Variants in TMEM238L observed in about 807,000 individuals in gnomAD.
TMEM238L encodes transmembrane protein 238-like.
At chr17:10,795,168 C>G (rs12947830) in exon 2 of TMEM238L, 43,561 of 152,106 alleles carry the variant, frequency 0.29, 6,397 homozygotes, top group Middle Eastern at 0.4. Flanking sequence ...GACTTGACCA[C>G]CTGTAACTTA....
intron 1 of TMEM238L, among the ~76,000 whole-genome samples, chr17:10,802,161 C>G (rs368569885): frequency 6.6e-6 from 1 of 152,282 alleles, no homozygotes; most frequent in South Asian, 2.1e-4. Context: ...AATCAGGGAC[C>G]CTTTTTGCTC....
chr17:10,800,080 C>A (rs573285336), intron 1 of TMEM238L, among the ~76,000 whole-genome samples: 48 of 152,036 alleles, frequency 3.2e-4, no homozygotes, highest in Non-Finnish European at 6.3e-4. Flanking sequence ...TACAGGCACC[C>A]GCCACCATGC....
chr17:10,799,934 C>CT (rs562811496), intron 1 of TMEM238L, among the ~76,000 whole-genome samples: 13,379 of 142,588 alleles, frequency 0.094, 721 homozygotes, highest in Non-Finnish European at 0.13. Flanking sequence ...GAAACCACAT[C>CT]TTTTTTTTTT....
exon 1 of TMEM238L, chr17:10,803,851 A>G: frequency 2.5e-6 from 1 of 399,940 alleles, no homozygotes; most frequent in Non-Finnish European, 4.4e-6. Context: ...CAGGGGGGCC[A>G]AGATCCCCAG....
intron 1 of TMEM238L, among the ~76,000 whole-genome samples, chr17:10,801,082 G>A (rs566763700): frequency 6.8e-6 from 1 of 147,714 alleles, no homozygotes; most frequent in Non-Finnish European, 1.5e-5. Flanking sequence ...ACGGAGTCTC[G>A]CTCTGTCACC....
intron 1 of TMEM238L, among the ~76,000 whole-genome samples, 169 bp downstream of exon 1, chr17:10,803,437 C>T (rs568123848): frequency 6.6e-6 from 1 of 152,192 alleles, no homozygotes; most frequent in Non-Finnish European, 1.5e-5. Context: ...ACCTGCCCCA[C>T]GTCCTCTTGG....
chr17:10,800,522 A>G (rs774308046), intron 1 of TMEM238L, among the ~76,000 whole-genome samples: 1 of 152,240 alleles, frequency 6.6e-6, no homozygotes, highest in Non-Finnish European at 1.5e-5. Context: ...AATGTTGTAC[A>G]TTGCCATTAG....
chr17:10,801,931 A>G (rs757076675), intron 1 of TMEM238L, among the ~76,000 whole-genome samples: 2 of 152,098 alleles, frequency 1.3e-5, no homozygotes, highest in Non-Finnish European at 2.9e-5. Context: ...ACAGGTGTGC[A>G]TCACCATGCG....
At chr17:10,801,707 T>C (rs1225336601) in intron 1 of TMEM238L, among the ~76,000 whole-genome samples, 1 of 152,134 alleles carries the variant, frequency 6.6e-6, no homozygotes, top group Non-Finnish European at 1.5e-5. Context: ...CTTTTGTAAG[T>C]GTGAATCTTT....
At chr17:10,795,779 T>A (rs1482016392) in exon 2 of TMEM238L, 1 of 152,270 alleles carries the variant, frequency 6.6e-6, no homozygotes, top group Non-Finnish European at 1.5e-5. Flanking sequence ...GGGCTTGTGA[T>A]GGAGTCTGGA....
At chr17:10,798,323 C>T (rs1241328098) in intron 1 of TMEM238L, among the ~76,000 whole-genome samples, 1 of 152,146 alleles carries the variant, frequency 6.6e-6, no homozygotes, top group Non-Finnish European at 1.5e-5. Flanking sequence ...CATGCTTTAT[C>T]TCTCCCCTTA....
At chr17:10,800,088 T>G (rs996026044) in intron 1 of TMEM238L, among the ~76,000 whole-genome samples, 42 of 152,064 alleles carry the variant, frequency 2.8e-4, no homozygotes, top group Non-Finnish European at 5.0e-4. Context: ...CCCGCCACCA[T>G]GCCCGGCTAA....
chr17:10,798,611 C>T (rs1029841854), intron 1 of TMEM238L, among the ~76,000 whole-genome samples: 3 of 151,692 alleles, frequency 2.0e-5, no homozygotes, highest in Non-Finnish European at 4.4e-5. Flanking sequence ...GTGTTTGTTT[C>T]TGTGAGTGTG....
chr17:10,801,437 C>T (rs1046549907), intron 1 of TMEM238L, among the ~76,000 whole-genome samples: 2 of 152,188 alleles, frequency 1.3e-5, no homozygotes, highest in Non-Finnish European at 2.9e-5. Flanking sequence ...AGAGCCCTAA[C>T]CCTCACCGAC....
At chr17:10,802,431 G>A (rs1405453395) in intron 1 of TMEM238L, 2 of 152,116 alleles carry the variant, frequency 1.3e-5, no homozygotes, top group African/African-American at 4.8e-5. Context: ...TGTGCAACCT[G>A]GCCAAAAACA....
chr17:10,798,788 G>A (rs532293480), intron 1 of TMEM238L, among the ~76,000 whole-genome samples: 371 of 152,070 alleles, frequency 2.4e-3, no homozygotes, highest in Non-Finnish European at 2.4e-3. Context: ...TGTGTGGGGT[G>A]TTGGTGTGTG....
chr17:10,796,745 C>A (rs1904559542), intron 1 of TMEM238L, among the ~76,000 whole-genome samples: 1 of 152,152 alleles, frequency 6.6e-6, no homozygotes, highest in African/African-American at 2.4e-5. Flanking sequence ...ACGTCTCTTC[C>A]TTATTATTAC....
chr17:10,795,386 C>G (rs546386783), exon 2 of TMEM238L: 2 of 152,234 alleles, frequency 1.3e-5, no homozygotes, highest in Non-Finnish European at 2.9e-5. Context: ...AGAGTCCTCC[C>G]GCACACAGCA....
At chr17:10,804,075 G>A in exon 1 of TMEM238L, 1 of 400,276 alleles carries the variant, frequency 2.5e-6, no homozygotes, top group Non-Finnish European at 4.4e-6. Flanking sequence ...GAGCAAATGA[G>A]CGAGCTGGCG....
Sources: gnomAD v4.1 joint callset for allele counts (sites outside exome capture counted in the v4.1 genomes callset) on GRCh38, gnomAD v4.1.1 for gene constraint, MANE v1.5 for transcripts, NCBI Gene and HGNC (gene_info 2026-07-23, HGNC 2026-07-21) for gene names.